NME7: variants seen among roughly 807,000 people sequenced by gnomAD.
NME7 encodes the protein NME/NM23 family member 7, also known as nucleoside diphosphate kinase 7.
A neutral mutation model predicts 49.1 loss-of-function variants in NME7; 41 were observed. That is an observed-to-expected ratio of 0.83 (90% CI 0.65 to 1.08). NME7 has a LOEUF of 1.08. Ranked by LOEUF, NME7 falls within the 50% of genes least tolerant of loss-of-function variation. The pLI, the probability that NME7 is intolerant of heterozygous loss-of-function variation, is 0.00. For missense variants in NME7, 423 were observed against 463.4 expected, an observed-to-expected ratio of 0.91 and a Z score of 0.80; for synonymous variants, 139 against 150.6, an observed-to-expected ratio of 0.92 and a Z score of 0.56.
At chr1:169,293,364 G>A (rs1408344919) in intron 6 of NME7, among the ~76,000 whole-genome samples, 1 of 150,728 alleles carries the variant, frequency 6.6e-6, no homozygotes, top group Non-Finnish European at 1.5e-5. Context: ...ATATAAGTCT[G>A]AAACTCTAAG....
chr1:169,324,585 T>C (rs909188897), intron 1 of NME7, 85 bp from the exon 2 acceptor site: 3 of 804,020 alleles, frequency 3.7e-6, no homozygotes, highest in African/African-American at 1.7e-5. Context: ...AAATTACCAA[T>C]ATGCAAGAAA....
rs1315275194 is a variant in NME7, at chr1:169,268,143, A to G, written c.754+19160T>C. On this transcript the variant is annotated intron_variant, in intron 7 of 11. Coordinates refer to ENST00000367811, the MANE Select transcript of NME7 (RefSeq NM_013330.5). The stretch of plus-strand genomic sequence containing the variant: ...CAGTGGGTGAAGGACATGAACAGAC[A>G]ATTTTCAAAAGAAGACACACATGCA... Among the ~76,000 whole-genome samples the G allele has an allele frequency of 2.2e-5, 3 of 134,104 alleles. 1 individual carries two copies. The highest frequency in any genetic ancestry group is 2.3e-4 in the South Asian group (1 of 4,370). 88.0% of individuals were successfully genotyped at this position (134,104 alleles called of 152,430 possible).
chr1:169,150,860 C>G (rs1228228532), intron 11 of NME7, among the ~76,000 whole-genome samples: 1 of 151,818 alleles, frequency 6.6e-6, no homozygotes, highest in Non-Finnish European at 1.5e-5. Context: ...ATAATTTGCT[C>G]TTCAAACATA....
At chr1:169,161,460 G>A (rs1041851133) in intron 11 of NME7, among the ~76,000 whole-genome samples, 1 of 152,194 alleles carries the variant, frequency 6.6e-6, no homozygotes, top group Non-Finnish European at 1.5e-5. Flanking sequence ...ATGCACCTAT[G>A]TTTATTTCTG....
intron 11 of NME7, among the ~76,000 whole-genome samples, chr1:169,149,024 G>A (rs1204160433): frequency 6.6e-6 from 1 of 152,164 alleles, no homozygotes; most frequent in Admixed American, 6.5e-5. Context: ...GAGCACTAGT[G>A]AGCATATCTA....
chr1:169,268,541 C>T lies in NME7; in HGVS notation c.754+18762G>A, dbSNP rs563761048. Reference sequence around the variant, plus strand: ...TAAAGACATAAAAGTAACCTAAATGCCCATCACTGGTAGACTGGATAAAGA... The same window carrying T: ...TAAAGACATAAAAGTAACCTAAATGTCCATCACTGGTAGACTGGATAAAGA... On this transcript the variant is annotated intron_variant, in intron 7 of 11. Coordinates refer to ENST00000367811, the MANE Select transcript of NME7 (RefSeq NM_013330.5). Among the ~76,000 whole-genome samples the T allele has an allele frequency of 3.0e-5, 4 of 133,522 alleles. 1 individual carries two copies. Among genetic ancestry groups the T allele is most frequent in the African/African-American group, 1.0e-4 (4 of 39,606 alleles). The allele number at this position is 133,522 out of a possible 152,430, so 87.6% of individuals were successfully genotyped here. A position where few individuals can be genotyped will look rare whatever the true frequency, so the allele number is the denominator to read the frequency against.
intron 6 of NME7, among the ~76,000 whole-genome samples, chr1:169,288,591 T>C (rs1194638589): frequency 2.0e-5 from 3 of 152,164 alleles, no homozygotes; most frequent in Non-Finnish European, 4.4e-5. Context: ...TAGAATGTGT[T>C]AATGTGCCAC....
rs375230971 is a variant in NME7 at position 169,290,825 on chromosome 1, A to T, written c.649-3417T>A. ...GAACTTAAACACATTTACAAGAAAA[A>T]AACAAACAGCCCCATCAAAAAGTGG... is the stretch of plus-strand genomic sequence containing the variant. On this transcript the variant is annotated intron_variant, in intron 6 of 11. Transcript: ENST00000367811. Among the ~76,000 whole-genome samples the T allele has an allele frequency of 2.0e-4, 30 of 152,306 alleles. No homozygotes were observed. The East Asian group carries it at 5.6e-3, about 28-fold the overall frequency.
At chr1:169,214,621 C>T (rs1054919351) in intron 10 of NME7, among the ~76,000 whole-genome samples, 1 of 152,142 alleles carries the variant, frequency 6.6e-6, no homozygotes, top group Non-Finnish European at 1.5e-5. Context: ...TCTCCAGGAC[C>T]ATGTCAAGAA....
chr1:169,351,617 C>T (rs1653174890), intron 1 of NME7, among the ~76,000 whole-genome samples: 1 of 148,992 alleles, frequency 6.7e-6, no homozygotes, highest in African/African-American at 2.5e-5. Flanking sequence ...AAAAAAAATA[C>T]AAAAGATCAA....
At chr1:169,299,335 G>T (rs1015975978) in intron 5 of NME7, among the ~76,000 whole-genome samples, 2 of 151,978 alleles carry the variant, frequency 1.3e-5, no homozygotes, top group African/African-American at 4.8e-5. Flanking sequence ...ACTACTCTGG[G>T]TTATTTCTGT....
At chr1:169,174,452 A>G (rs1344388954) in intron 10 of NME7, among the ~76,000 whole-genome samples, 2 of 152,162 alleles carry the variant, frequency 1.3e-5, no homozygotes, top group Non-Finnish European at 2.9e-5. Context: ...AAATTTACTA[A>G]TTACAGAAAA....
At chr1:169,360,955 A>C (rs1653630964) in intron 1 of NME7, among the ~76,000 whole-genome samples, 1 of 152,164 alleles carries the variant, frequency 6.6e-6, no homozygotes, top group South Asian at 2.1e-4. Context: ...ACTCTATTTT[A>C]TTACTAACTT....
chr1:169,197,496 A>G (rs1660421303), intron 10 of NME7, among the ~76,000 whole-genome samples: 1 of 152,178 alleles, frequency 6.6e-6, no homozygotes, highest in Non-Finnish European at 1.5e-5. Context: ...AAATGTACAC[A>G]TGGCACAAAG....
intron 1 of NME7, among the ~76,000 whole-genome samples, chr1:169,327,117 C>G (rs995715662): frequency 6.6e-6 from 1 of 152,158 alleles, no homozygotes; most frequent in Non-Finnish European, 1.5e-5. Context: ...TTCCATATCA[C>G]TAGCCTTCCA....
intron 10 of NME7, among the ~76,000 whole-genome samples, chr1:169,176,899 G>A (rs113420392): frequency 2.0e-5 from 3 of 152,056 alleles, no homozygotes; most frequent in African/African-American, 7.3e-5. Flanking sequence ...CATTAGCATA[G>A]AGGATTGGGT....
chr1:169,363,483 C>A (rs534183503), intron 1 of NME7, among the ~76,000 whole-genome samples: 2 of 152,156 alleles, frequency 1.3e-5, no homozygotes, highest in South Asian at 4.2e-4. Flanking sequence ...TGGCTACATA[C>A]CACAAATTTG....
At chr1:169,261,703 C>G (rs568535581) in intron 7 of NME7, among the ~76,000 whole-genome samples, 1 of 133,542 alleles carries the variant, frequency 7.5e-6, no homozygotes, top group African/African-American at 2.5e-5. Flanking sequence ...ATGGTCCCTG[C>G]CCAGAATTTC....
chr1:169,331,572 A>T (rs12033078), intron 1 of NME7, among the ~76,000 whole-genome samples: 1 of 152,090 alleles, frequency 6.6e-6, no homozygotes, highest in Non-Finnish European at 1.5e-5. Context: ...ATTTGGAAAA[A>T]CCTAAAGACT....
Sources: gnomAD v4.1 joint callset for allele counts (sites outside exome capture counted in the v4.1 genomes callset) on GRCh38, gnomAD v4.1.1 for gene constraint, MANE v1.5 for transcripts, NCBI Gene and HGNC (gene_info 2026-07-23, HGNC 2026-07-21) for gene names.